ADAMTSL1: variants seen among roughly 807,000 people sequenced by gnomAD.
ADAMTSL1 encodes ADAMTS-like protein 1.
ADAMTSL1 carries 126 observed loss-of-function variants against 201.8 expected under a neutral mutation model. That is an observed-to-expected ratio of 0.62 (90% CI 0.54 to 0.72). ADAMTSL1 has a LOEUF of 0.72. Among genes scored for constraint, ADAMTSL1 ranks in the 30% least tolerant of loss-of-function variants. The probability of loss-of-function intolerance (pLI) is 0.00; values close to 1 mark genes in which losing one functional copy is unlikely to be tolerated. For synonymous variants in ADAMTSL1, 1,121 were observed against 903.4 expected, an observed-to-expected ratio of 1.24 and a Z score of -4.32; for missense variants, 2,679 against 2,277.8, an observed-to-expected ratio of 1.18 and a Z score of -3.59.
intron 1 of ADAMTSL1, among the ~76,000 whole-genome samples, chr9:17,963,481 T>G (rs567542728): frequency 6.6e-6 from 1 of 152,286 alleles, no homozygotes; most frequent in East Asian, 1.9e-4. Flanking sequence ...GCAGCAGGAT[T>G]GTTCAAATTG....
chr9:18,714,243 T>C (rs1347280807), intron 14 of ADAMTSL1, among the ~76,000 whole-genome samples: 2 of 150,304 alleles, frequency 1.3e-5, no homozygotes, highest in African/African-American at 4.9e-5. Flanking sequence ...AAGAAATAAC[T>C]AAAATCAGAG....
chr9:18,060,431 A>G (rs1822397119), intron 1 of ADAMTSL1, among the ~76,000 whole-genome samples: 1 of 152,194 alleles, frequency 6.6e-6, no homozygotes, highest in African/African-American at 2.4e-5. Context: ...AAAGTAAATA[A>G]TAAGCTGGCT....
intron 15 of ADAMTSL1, among the ~76,000 whole-genome samples, chr9:18,727,588 G>A (rs2133460218): frequency 6.6e-6 from 1 of 152,324 alleles, no homozygotes; most frequent in South Asian, 2.1e-4. Flanking sequence ...GACTGTATTG[G>A]CCCAGTGATC....
chr9:18,698,364 A>C (rs1439052447), intron 13 of ADAMTSL1, among the ~76,000 whole-genome samples: 2 of 151,972 alleles, frequency 1.3e-5, no homozygotes, highest in East Asian at 3.9e-4. Context: ...GCTCACTGCA[A>C]CCTCCACCTC....
intron 3 of ADAMTSL1, among the ~76,000 whole-genome samples, chr9:18,545,356 A>G (rs1235181899): frequency 6.6e-6 from 1 of 152,202 alleles, no homozygotes; most frequent in Non-Finnish European, 1.5e-5. Context: ...TCATTTCACC[A>G]TAACACCAGG....
intron 3 of ADAMTSL1, among the ~76,000 whole-genome samples, chr9:18,557,947 AG>A (rs1207839320): frequency 6.6e-6 from 1 of 152,110 alleles, no homozygotes; most frequent in Non-Finnish European, 1.5e-5. Flanking sequence ...TGGGCATAAA[AG>A]CACAATGAAG....
intron 2 of ADAMTSL1, among the ~76,000 whole-genome samples, chr9:18,458,810 G>T (rs938176933): frequency 3.3e-5 from 5 of 152,174 alleles, no homozygotes; most frequent in Non-Finnish European, 2.9e-5. Flanking sequence ...CCAGAGTCAT[G>T]AAATTCTAGA....
chr9:18,036,011 A>G (rs1586928063), intron 1 of ADAMTSL1, among the ~76,000 whole-genome samples: 1 of 152,152 alleles, frequency 6.6e-6, no homozygotes, highest in Admixed American at 6.5e-5. Context: ...TTACAATAAA[A>G]TGAGATGAGT....
chr9:18,758,310 C>G (rs1406321707), intron 16 of ADAMTSL1, among the ~76,000 whole-genome samples: 2 of 152,206 alleles, frequency 1.3e-5, no homozygotes, highest in Admixed American at 1.3e-4. Flanking sequence ...GTTTACAGAA[C>G]ACTCGGTATT....
chr9:18,235,341 T>A (rs887698076), intron 2 of ADAMTSL1, among the ~76,000 whole-genome samples: 1 of 152,172 alleles, frequency 6.6e-6, no homozygotes, highest in African/African-American at 2.4e-5. Flanking sequence ...GAAGTGCCCT[T>A]CTAATCACAT....
In ADAMTSL1 at chr9:18,727,109, A is replaced by G. The variant is rs543047099; in HGVS notation, c.2006+5444A>G. Among the ~76,000 whole-genome samples the G allele has an allele frequency of 2.6e-5, 4 of 152,316 alleles. No individual in the cohort carries two copies. In the East Asian group the frequency reaches 7.7e-4, roughly 29 times the overall value. On this transcript the variant is annotated intron_variant, in intron 15 of 28. Coordinates refer to ENST00000380548, the MANE Select transcript of ADAMTSL1 (RefSeq NM_001040272.6). ...GTATACTAGCAGCAAATGATTTCCA[A>G]TTTCCAATTTTCTTTTATATTAGCT...
chr9:18,848,686 A>G lies in ADAMTSL1; in HGVS notation c.4249+18709A>G, dbSNP rs1826287333. Among the ~76,000 whole-genome samples, 2 of 152,222 alleles carry G rather than the reference A, an allele frequency of 1.3e-5. 1 individual carries two copies. The highest frequency in any genetic ancestry group is 4.1e-4 in the South Asian group (2 of 4,838). On this transcript the variant is annotated intron_variant, in intron 23 of 28. Transcript: ENST00000380548. The stretch of plus-strand genomic sequence containing the variant: ...GCTGACTTCCTGAAGCACCTACTCT[A>G]GACCAGAGTTGGGCAAACATTTTCT...
At chr9:18,728,825 G>A (rs1818051765) in intron 15 of ADAMTSL1, among the ~76,000 whole-genome samples, 1 of 152,226 alleles carries the variant, frequency 6.6e-6, no homozygotes. Context: ...AGTCCTGTGT[G>A]CCAAGTTAAG....
intron 1 of ADAMTSL1, among the ~76,000 whole-genome samples, chr9:18,036,726 C>T (rs374236144): frequency 2.6e-5 from 4 of 152,128 alleles, no homozygotes; most frequent in East Asian, 1.9e-4. Context: ...TATGGGTTTC[C>T]TCTAATTATG....
chr9:18,450,428 A>G (rs1587250925), intron 2 of ADAMTSL1, among the ~76,000 whole-genome samples: 2 of 152,304 alleles, frequency 1.3e-5, no homozygotes, highest in East Asian at 3.9e-4. Context: ...ATTAATGAAA[A>G]TATATTTGCC....
At chr9:18,033,552 C>G (rs142594556) in intron 1 of ADAMTSL1, among the ~76,000 whole-genome samples, 128 of 152,306 alleles carry the variant, frequency 8.4e-4, no homozygotes, top group African/African-American at 2.8e-3. Context: ...TAGGGAATGT[C>G]CTTCTAACCA....
chr9:18,773,620 A>G (rs1588082815), intron 17 of ADAMTSL1, among the ~76,000 whole-genome samples: 1 of 152,328 alleles, frequency 6.6e-6, no homozygotes, highest in East Asian at 1.9e-4. Context: ...TCACCTGAGA[A>G]GCCCCCGAAT....
chr9:18,313,291 G>A (rs973281553), intron 2 of ADAMTSL1, among the ~76,000 whole-genome samples: 10 of 152,196 alleles, frequency 6.6e-5, no homozygotes, highest in Non-Finnish European at 1.5e-4. Flanking sequence ...AGAATTTTCA[G>A]GGGAAGAGTC....
chr9:18,711,019 T>C (rs906533535), intron 14 of ADAMTSL1, among the ~76,000 whole-genome samples: 2 of 152,172 alleles, frequency 1.3e-5, no homozygotes, highest in African/African-American at 4.8e-5. Flanking sequence ...AACCTGTATA[T>C]TTAGTATTGC....
Sources: gnomAD v4.1 joint callset for allele counts (sites outside exome capture counted in the v4.1 genomes callset) on GRCh38, gnomAD v4.1.1 for gene constraint, MANE v1.5 for transcripts, NCBI Gene and HGNC (gene_info 2026-07-23, HGNC 2026-07-21) for gene names.